Variants in LARP4 observed in about 807,000 individuals in gnomAD.
LARP4 encodes the protein la-related protein 4.
A neutral mutation model predicts 92.9 loss-of-function variants in LARP4; 29 were observed. The observed-to-expected ratio is 0.31, with a 90% CI of 0.23 to 0.43. LARP4 has a LOEUF of 0.43. Among genes scored for constraint, LARP4 ranks in the 20% least tolerant of loss-of-function variants. The pLI is 1.00. For missense variants in LARP4, 732 were observed against 860.0 expected, an observed-to-expected ratio of 0.85 and a Z score of 1.86; for synonymous variants, 279 against 284.1, an observed-to-expected ratio of 0.98 and a Z score of 0.18.
At position 50,473,945 on chromosome 12, in the gene LARP4, TC is replaced by T; in HGVS notation, c.1668-53del. ...ATTACGTTTTCTTCTGATTAGTTGCTCAACTGTTCCTATATGCTATTCTGAG... is the reference window on the plus strand; with the variant it reads ...ATTACGTTTTCTTCTGATTAGTTGCTAACTGTTCCTATATGCTATTCTGAG... On this transcript the variant is annotated intron_variant, in intron 14 of 15. Coordinates refer to ENST00000398473, the MANE Select transcript of LARP4 (RefSeq NM_052879.5). 4 of 1,477,764 alleles carry T rather than the reference TC, an allele frequency of 2.7e-6. No individual in the cohort carries two copies. In the South Asian group the frequency reaches 4.9e-5, roughly 18 times the overall value. The allele number at this position is 1,477,764 out of a possible 1,614,324, so 91.5% of individuals were successfully genotyped here. A position where few individuals can be genotyped will look rare whatever the true frequency, so the allele number is the denominator to read the frequency against.
chr12:50,417,751 G>C (rs1380811530), intron 1 of LARP4, among the ~76,000 whole-genome samples: 2 of 152,126 alleles, frequency 1.3e-5, no homozygotes, highest in Non-Finnish European at 2.9e-5. Flanking sequence ...CTGAAGTGCA[G>C]TGGCACAGTC....
intron 10 of LARP4, among the ~76,000 whole-genome samples, chr12:50,457,484 G>A (rs912402119): frequency 6.6e-6 from 1 of 152,084 alleles, no homozygotes; most frequent in Non-Finnish European, 1.5e-5. Context: ...TGGCATTATA[G>A]GTGTGAGCCA....
At chr12:50,451,592 T>G (rs528782406) in intron 8 of LARP4, among the ~76,000 whole-genome samples, 67 of 152,248 alleles carry the variant, frequency 4.4e-4, no homozygotes, top group Admixed American at 1.4e-3. Flanking sequence ...CCTAGCACTT[T>G]GGGAGGCTGA....
At chr12:50,453,089 T>C (rs1249265040) in intron 8 of LARP4, among the ~76,000 whole-genome samples, 1 of 151,376 alleles carries the variant, frequency 6.6e-6, no homozygotes, top group Non-Finnish European at 1.5e-5. Flanking sequence ...TTTTTTTTTT[T>C]TTCCTTGTAA....
rs776863677 is a variant in LARP4 at position 50,461,187 on chromosome 12, T to C, written c.1174T>C (p.Ser392Pro). Residue 392 changes from serine (S) to proline (P), a missense_variant, in exon 11 of 16, where the codon TCT becomes CCT. By Grantham distance (74) the Ser-to-Pro change is moderately conservative. Around this residue, in one of 7 missense-constraint regions of LARP4, gnomAD observed 264 missense variants for 269.5 expected, o/e 0.98. Transcript: ENST00000398473. ...TGGTTCAGAACACTCAACAGAGGGC[T>C]CTGTATCCTTGGGGGATGGACAGTT... is the stretch of plus-strand genomic sequence containing the variant. ...SGGSEHSTEG[S>P]VSLGDGQLNR... 5.6e-6 allele frequency: 9 copies of C among 1,614,142 alleles called. No individual in the cohort carries two copies. Among genetic ancestry groups the C allele is most frequent in the Non-Finnish European group, 7.6e-6 (9 of 1,180,014 alleles).
intron 1 of LARP4, among the ~76,000 whole-genome samples, chr12:50,419,686 C>T (rs1001922304): frequency 3.3e-5 from 5 of 152,052 alleles, no homozygotes; most frequent in East Asian, 1.9e-4. Flanking sequence ...GTGAGATGAT[C>T]GTTTGAGGCC....
chr12:50,410,157 C>T (rs764703552), intron 1 of LARP4, among the ~76,000 whole-genome samples: 2 of 151,072 alleles, frequency 1.3e-5, no homozygotes, highest in Non-Finnish European at 2.9e-5. Context: ...TATTTAAGTT[C>T]GTTTGTGTAG....
chr12:50,400,962 C>G lies in LARP4; in HGVS notation c.-49C>G, dbSNP rs751024529. Reference sequence around the variant, plus strand: ...AGCAATTGGGGCGCGGGCCTGTGAGCCAGTTGGAGTTGCGGCGGCGGGAAC... The same window carrying G: ...AGCAATTGGGGCGCGGGCCTGTGAGGCAGTTGGAGTTGCGGCGGCGGGAAC... On this transcript the variant is annotated 5_prime_UTR_variant, in exon 1 of 16. Transcript: ENST00000398473. The G allele has an allele frequency of 2.5e-5, 40 of 1,613,698 alleles. No homozygotes were observed. Among genetic ancestry groups the G allele is most frequent in the Non-Finnish European group, 2.7e-5 (32 of 1,179,802 alleles).
At chr12:50,462,949 A>G (rs540996178) in intron 12 of LARP4, among the ~76,000 whole-genome samples, 18 of 152,180 alleles carry the variant, frequency 1.2e-4, no homozygotes, top group Admixed American at 2.0e-4. Flanking sequence ...TTTCTTTTCC[A>G]AGACACAGGA....
chr12:50,421,287 A>G (rs1165209339), intron 1 of LARP4: 2 of 984,858 alleles, frequency 2.0e-6, no homozygotes, highest in Non-Finnish European at 2.4e-6. Flanking sequence ...GTTTGAAAAA[A>G]TCAGTACTAG....
chr12:50,417,529 A>C (rs1409363713), intron 1 of LARP4, among the ~76,000 whole-genome samples: 1 of 152,122 alleles, frequency 6.6e-6, no homozygotes, highest in Non-Finnish European at 1.5e-5. Flanking sequence ...CTAATCCAAG[A>C]TGTTGCTATA....
At chr12:50,401,281 G>A (rs1288010681) in intron 1 of LARP4, 12 of 550,404 alleles carry the variant, frequency 2.2e-5, no homozygotes, top group Admixed American at 9.3e-5. Context: ...CTGGTGTGGC[G>A]GTGAGGTTCA....
intron 7 of LARP4, chr12:50,441,383 A>G (rs1210609294): frequency 2.5e-6 from 1 of 406,670 alleles, no homozygotes; most frequent in African/African-American, 2.1e-5. Context: ...TGTCTGCAGT[A>G]ATCCATGGTG....
chr12:50,455,347 C>T (rs1430887810), intron 10 of LARP4, among the ~76,000 whole-genome samples: 1 of 152,048 alleles, frequency 6.6e-6, no homozygotes, highest in African/African-American at 2.4e-5. Context: ...GGATTACAGG[C>T]GTGATACTAT....
At position 50,479,300 on chromosome 12, in the gene LARP4, A is replaced by G. The variant is rs1348918297; in HGVS notation, c.*3436A>G. 2.0e-5 allele frequency: 3 copies of G among 152,626 alleles called. No homozygotes were observed. The highest frequency in any genetic ancestry group is 4.8e-5 in the African/African-American group (2 of 41,458). The allele number at this position is 152,626 out of a possible 1,614,324, so 9.5% of individuals were successfully genotyped here. On this transcript the variant is annotated 3_prime_UTR_variant, in exon 16 of 16. Coordinates refer to ENST00000398473, the MANE Select transcript of LARP4 (RefSeq NM_052879.5). ...AAAGTACCAATTTTGTTTTTACAGA[A>G]AAGATAAAACTCAAAAGAGAACAGT...
Position 50,461,247 on chromosome 12 carries a change from C to T in LARP4, c.1234C>T (p.Arg412Trp), listed in dbSNP as rs771888389. 2.0e-5 allele frequency: 32 copies of T among 1,613,998 alleles called. No individual in the cohort carries two copies. Among genetic ancestry groups the T allele is most frequent in the South Asian group, 4.4e-5 (4 of 91,074 alleles). Residue 412 changes from arginine to tryptophan, a missense_variant, in exon 11 of 16, where the codon CGG becomes TGG. Arg to Trp is a moderately radical substitution (Grantham distance 101). Transcript: ENST00000398473. ...TAGTTCAAGAAACTTTCCAGCTGAA[C>T]GGCATAACCCCACAGTAACTGGGCA... ...RYSSRNFPAE[R>W]HNPTVTGHQE...
At position 50,474,139 on chromosome 12, in the gene LARP4, T is replaced by C. The variant is rs776748586; in HGVS notation, c.1808T>C (p.Ile603Thr). The C allele has an allele frequency of 1.9e-6, 3 of 1,612,786 alleles. No individual in the cohort carries two copies. Among genetic ancestry groups the C allele is most frequent in the Non-Finnish European group, 1.7e-6 (2 of 1,179,694 alleles). Residue 603 changes from isoleucine (I) to threonine (T), a missense_variant, in exon 15 of 16, where the codon ATA becomes ACA. This residue lies in a region of LARP4 where 97 missense variants were observed against 85.9 expected (regional missense o/e 1.13). Coordinates refer to ENST00000398473, the MANE Select transcript of LARP4 (RefSeq NM_052879.5). ...ACTGCTTCACCATGTAATAATAACA[T>C]AAATGCAGCTACAGCTGTGGCTCTA... ...ASTASPCNNN[I>T]NAATAVALQE...
At chr12:50,458,488 T>G (rs556692024) in intron 10 of LARP4, among the ~76,000 whole-genome samples, 1 of 152,266 alleles carries the variant, frequency 6.6e-6, no homozygotes, top group Admixed American at 6.5e-5. Context: ...ACAGGACAAC[T>G]AGAGATGCTG....
intron 1 of LARP4, among the ~76,000 whole-genome samples, chr12:50,427,299 A>G (rs1948945844): frequency 6.6e-6 from 1 of 151,950 alleles, no homozygotes; most frequent in African/African-American, 2.4e-5. Context: ...AAGTGTCTCA[A>G]AAGTTATGTA....
Sources: allele counts gnomAD v4.1 joint callset (sites outside exome capture counted in the v4.1 genomes callset), GRCh38; gene constraint gnomAD v4.1.1; regional missense constraint gnomAD v4.1.1; transcripts MANE v1.5; gene names NCBI Gene and HGNC (gene_info 2026-07-23, HGNC 2026-07-21).